The following KAT6A variants were observed in gnomAD, a reference collection of about 807,000 sequenced individuals.
KAT6A encodes the protein lysine acetyltransferase 6A, also known as histone acetyltransferase KAT6A.
In KAT6A, 9 loss-of-function variants were observed where a neutral mutation model predicts 198.4. The observed-to-expected ratio is 0.05, with a 90% CI of 0.03 to 0.08. The LOEUF (loss-of-function observed/expected upper bound fraction) is 0.08. KAT6A is among the 10% of genes least tolerant of loss of function. The pLI, the probability that KAT6A is intolerant of heterozygous loss-of-function variation, is 1.00. For missense variants in KAT6A, 2,077 were observed against 2,509.9 expected (o/e 0.83, Z 3.69); for synonymous variants, 890 against 883.0 (o/e 1.01, Z -0.14).
chr8:42,006,941 A>T (rs1825779352), intron 2 of KAT6A, among the ~76,000 whole-genome samples: 2 of 145,148 alleles, frequency 1.4e-5, no homozygotes, highest in African/African-American at 2.6e-5. Context: ...GGTTGCAGTG[A>T]GTCAAGATCA....
intron 1 of KAT6A, chr8:42,049,576 C>G (rs77111732): frequency 6.5e-6 from 1 of 153,588 alleles, no homozygotes; most frequent in Admixed American, 6.5e-5. Flanking sequence ...TACCACTAAC[C>G]AGAGTGGGTG....
At chr8:42,046,978 G>A (rs192082770) in intron 2 of KAT6A, among the ~76,000 whole-genome samples, 10 of 152,082 alleles carry the variant, frequency 6.6e-5, no homozygotes, top group South Asian at 2.1e-4. Flanking sequence ...GAAAAATACC[G>A]TTAATTTTCA....
chr8:41,966,090 T>C (rs1823472781), intron 8 of KAT6A, among the ~76,000 whole-genome samples: 1 of 152,134 alleles, frequency 6.6e-6, no homozygotes, highest in South Asian at 2.1e-4. Context: ...ACTATCAGAT[T>C]TGTTGAAAAG....
chr8:42,037,522 A>T lies in KAT6A; in HGVS notation c.600+10856T>A, dbSNP rs538086324. ...TAGACTTTACTAAGCTCAAAGAATT[A>T]AAAACCAACACTTAGCAGCTCTTCA... is the stretch of plus-strand genomic sequence containing the variant. On this transcript the variant is annotated intron_variant, in intron 2 of 16. Transcript: ENST00000265713. Among the ~76,000 whole-genome samples, 13 of 152,318 alleles carry T rather than the reference A, an allele frequency of 8.5e-5. No homozygotes were observed. The South Asian group carries it at 2.7e-3, about 32-fold the overall frequency.
chr8:41,950,058 G>C (rs1290940345), intron 9 of KAT6A, among the ~76,000 whole-genome samples: 5 of 152,134 alleles, frequency 3.3e-5, no homozygotes, highest in Admixed American at 6.5e-5. Context: ...AATACAACTT[G>C]TAATTATATT....
chr8:41,958,619 T>G (rs1290382888), intron 8 of KAT6A, among the ~76,000 whole-genome samples: 1 of 152,218 alleles, frequency 6.6e-6, no homozygotes, highest in Non-Finnish European at 1.5e-5. Flanking sequence ...GAATGTGTTT[T>G]GGAATTCTGA....
intron 2 of KAT6A, among the ~76,000 whole-genome samples, chr8:42,041,996 T>A (rs1827692400): frequency 6.6e-6 from 1 of 152,194 alleles, no homozygotes; most frequent in Non-Finnish European, 1.5e-5. Context: ...TTATACAGTA[T>A]CAACGCAACA....
At chr8:42,005,706 A>G (rs1194239200) in intron 2 of KAT6A, among the ~76,000 whole-genome samples, 1 of 152,096 alleles carries the variant, frequency 6.6e-6, no homozygotes, top group Non-Finnish European at 1.5e-5. Context: ...TGCTGTTACT[A>G]TACAAAGGAT....
At chr8:41,998,148 C>G (rs531657190) in intron 2 of KAT6A, among the ~76,000 whole-genome samples, 5 of 152,134 alleles carry the variant, frequency 3.3e-5, no homozygotes, top group Non-Finnish European at 7.4e-5. Context: ...AGGTTGTACT[C>G]ACATTTTCAA....
At chr8:41,986,133 G>GT (rs1824589932) in intron 3 of KAT6A, among the ~76,000 whole-genome samples, 1 of 152,134 alleles carries the variant, frequency 6.6e-6, no homozygotes, top group African/African-American at 2.4e-5. Flanking sequence ...TAGTGATGGG[G>GT]TTTCACCATG....
chr8:42,016,904 A>C (rs1826297532), intron 2 of KAT6A, among the ~76,000 whole-genome samples: 1 of 151,108 alleles, frequency 6.6e-6, no homozygotes, highest in South Asian at 2.1e-4. Context: ...TGAGGGATGC[A>C]AAAAAAAATT....
rs1222802248 is a variant in KAT6A, at chr8:41,930,189, C to A, written c.*2016G>T. 2 of 93,502 alleles carry A rather than the reference C, an allele frequency of 2.1e-5. No homozygotes were observed. Among genetic ancestry groups the A allele is most frequent in the Non-Finnish European group, 4.3e-5 (2 of 46,806 alleles). The allele number at this position is 93,502 out of a possible 1,614,324, so 5.8% of individuals were successfully genotyped here. On this transcript the variant is annotated 3_prime_UTR_variant, in exon 17 of 17. Coordinates refer to ENST00000265713, the MANE Select transcript of KAT6A (RefSeq NM_006766.5). ...CAACAGAAACTGATTTCACGGCCCT[C>A]ATTTCAACAGCTTCTCCTTCTGCCT...
chr8:41,979,159 T>C (rs1824219804), intron 5 of KAT6A, among the ~76,000 whole-genome samples: 1 of 151,850 alleles, frequency 6.6e-6, no homozygotes, highest in Admixed American at 6.6e-5. Flanking sequence ...TCCCAGCTAC[T>C]CGGGAGGCTA....
chr8:41,956,592 T>C (rs1054441786), intron 8 of KAT6A, among the ~76,000 whole-genome samples: 2 of 152,212 alleles, frequency 1.3e-5, no homozygotes, highest in African/African-American at 4.8e-5. Context: ...CTGGTCTTTC[T>C]AACCATTCTC....
intron 8 of KAT6A, among the ~76,000 whole-genome samples, chr8:41,964,347 C>A (rs1360231759): frequency 3.3e-5 from 5 of 151,880 alleles, no homozygotes; most frequent in Non-Finnish European, 7.4e-5. Flanking sequence ...TATTACTAAC[C>A]ACATGGCTTT....
chr8:41,977,180 A>G lies in KAT6A; in HGVS notation c.1191T>C (p.Asn397=), dbSNP rs572005806. 9.3e-6 allele frequency: 15 copies of G among 1,614,168 alleles called. No homozygotes were observed. The East Asian group carries it at 2.7e-4, about 29-fold the overall frequency. Residue 397 remains asparagine (N), a synonymous_variant, in exon 7 of 17, where the codon AAT becomes AAC. Coordinates refer to ENST00000265713, the MANE Select transcript of KAT6A (RefSeq NM_006766.5). ...TTTTCTTGTTGAACTTCAAGGAGACATTGCTATCTCTGCAGAAGTCCAAGC... is the reference window on the plus strand; with the variant it reads ...TTTTCTTGTTGAACTTCAAGGAGACGTTGCTATCTCTGCAGAAGTCCAAGC... ...IDGLDFCRDS[N]VSLKFNKKTK...
Position 41,933,080 on chromosome 8 carries a change from C to T in KAT6A, c.5140G>A (p.Ala1714Thr), listed in dbSNP as rs760546443. 6.0e-6 allele frequency: 9 copies of T among 1,506,938 alleles called. No homozygotes were observed. Among genetic ancestry groups the T allele is most frequent in the Non-Finnish European group, 8.0e-6 (9 of 1,120,672 alleles). 93.3% of individuals were successfully genotyped at this position (1,506,938 alleles called of 1,614,324 possible). A position where few individuals can be genotyped will look rare whatever the true frequency, so the allele number is the denominator to read the frequency against. The change falls in exon 17 of 17, where the codon GCT (alanine) becomes ACT (threonine). Residue 1714 changes from alanine (A) to threonine (T), a missense_variant. Around this residue, in one of 13 missense-constraint regions of KAT6A, gnomAD observed 500 missense variants for 577.2 expected, o/e 0.87. Coordinates refer to ENST00000265713, the MANE Select transcript of KAT6A (RefSeq NM_006766.5). The surrounding 1 kb of genome is among the most constrained non-coding windows in gnomAD (Gnocchi z 6.2). ...TCTGGTATCTCCATGATCATAGGAGCTGGGGTGAAACTGTTATTCATACTA... is the reference window on the plus strand; with the variant it reads ...TCTGGTATCTCCATGATCATAGGAGTTGGGGTGAAACTGTTATTCATACTA... ...QCSMNNSFTP[A>T]PMIMEIPESG...
At chr8:41,991,117 A>G (rs1188066357) in intron 2 of KAT6A, among the ~76,000 whole-genome samples, 1 of 152,186 alleles carries the variant, frequency 6.6e-6, no homozygotes, top group Non-Finnish European at 1.5e-5. Flanking sequence ...GAACATGTCC[A>G]TACCACATGA....
intron 3 of KAT6A, among the ~76,000 whole-genome samples, chr8:41,985,892 C>G (rs186580180): frequency 6.6e-6 from 1 of 151,982 alleles, no homozygotes; most frequent in Admixed American, 6.6e-5. Flanking sequence ...AAAGATAATG[C>G]TGGTTTGCTA....
Sources: allele counts gnomAD v4.1 joint callset (sites outside exome capture counted in the v4.1 genomes callset), GRCh38; gene constraint gnomAD v4.1.1; regional missense constraint gnomAD v4.1.1; non-coding constraint Gnocchi (gnomAD v3.1); transcripts MANE v1.5; gene names NCBI Gene and HGNC (gene_info 2026-07-23, HGNC 2026-07-21).